The following PTH2R variants were observed in gnomAD, a reference collection of about 807,000 sequenced individuals.
PTH2R encodes the protein PTH2 receptor.
PTH2R carries 59 observed loss-of-function variants against 60.3 expected under a neutral mutation model. The ratio of observed to expected loss-of-function variants is 0.98; its 90% CI spans 0.79 to 1.22. PTH2R has a LOEUF of 1.22. Ranked by LOEUF, PTH2R falls within the 50% of genes most tolerant of loss-of-function variation. The pLI is 0.00. For synonymous variants in PTH2R, 256 were observed against 243.8 expected (o/e 1.05, Z -0.47); for missense variants, 749 against 682.6 (o/e 1.10, Z -1.08).
intron 1 of PTH2R, among the ~76,000 whole-genome samples, chr2:208,362,547 C>T (rs1700497165): frequency 6.6e-6 from 1 of 151,970 alleles, no homozygotes; most frequent in African/African-American, 2.4e-5. Context: ...GCAGAGATAT[C>T]ATATATATGT....
At chr2:208,359,739 T>G (rs996652535) in exon 1 of PTH2R, 2 of 153,476 alleles carry the variant, frequency 1.3e-5, no homozygotes, top group African/African-American at 4.8e-5. Flanking sequence ...ACAGGTCCAC[T>G]ACGTGAGGGG....
intron 1 of PTH2R, among the ~76,000 whole-genome samples, chr2:208,377,482 C>T (rs1441193771): frequency 7.1e-5 from 10 of 141,238 alleles, no homozygotes; most frequent in East Asian, 4.5e-4. Context: ...CCGGATGGGG[C>T]GGCGGCTGGG....
In PTH2R at chr2:208,459,685, T is replaced by A. The variant is rs77117755; in HGVS notation, c.915-210T>A. Among the ~76,000 whole-genome samples, 499 of 152,290 alleles carry A rather than the reference T, an allele frequency of 3.3e-3. 3 individuals carry two copies. The highest frequency in any genetic ancestry group is 0.012 in the African/African-American group (481 of 41,574). On this transcript the variant is annotated intron_variant, in intron 8 of 12. Coordinates refer to ENST00000272847, the MANE Select transcript of PTH2R (RefSeq NM_005048.4). The stretch of plus-strand genomic sequence containing the variant: ...ACTAATATTTATAATTCTCTACTCA[T>A]CTTCAAGGGGTAGCTAATAATATGA...
chr2:208,461,089 G>C (rs1702624520), intron 9 of PTH2R, among the ~76,000 whole-genome samples: 2 of 152,112 alleles, frequency 1.3e-5, no homozygotes, highest in African/African-American at 4.8e-5. Context: ...TAAATGTTTA[G>C]AGACGGAAAT....
chr2:208,378,774 G>T (rs750464195), intron 1 of PTH2R, among the ~76,000 whole-genome samples: 1 of 152,118 alleles, frequency 6.6e-6, no homozygotes, highest in Non-Finnish European at 1.5e-5. Context: ...CCAGTCTAAG[G>T]TATTTTTGTT....
chr2:208,367,291 G>A (rs568506579), intron 1 of PTH2R, among the ~76,000 whole-genome samples: 142 of 151,962 alleles, frequency 9.3e-4, no homozygotes, highest in African/African-American at 3.3e-3. Flanking sequence ...ACAGGGTTTC[G>A]CCATGTTGGC....
At chr2:208,452,654 A>T (rs777166558) in intron 8 of PTH2R, among the ~76,000 whole-genome samples, 1 of 152,198 alleles carries the variant, frequency 6.6e-6, no homozygotes, top group Non-Finnish European at 1.5e-5. Flanking sequence ...GCAAATTTGC[A>T]TTTTGTGAAG....
intron 10 of PTH2R, 38 bp downstream of exon 10, chr2:208,481,202 TG>T: frequency 6.9e-7 from 1 of 1,443,300 alleles, no homozygotes; most frequent in Non-Finnish European, 9.5e-7. Flanking sequence ...GGAAATATTT[TG>T]GTTACTATTT....
chr2:208,409,104 C>T lies in PTH2R; in HGVS notation c.75+1986C>T, dbSNP rs1460898931. Among the ~76,000 whole-genome samples the T allele has an allele frequency of 3.9e-5, 6 of 152,266 alleles. No homozygotes were observed. In the East Asian group the frequency reaches 1.2e-3, roughly 29 times the overall value. ...CTCCTGGTTGAAAATCATTGCTTTA[C>T]ACGGATTTCCATTTATATCTATAGA... On this transcript the variant is annotated intron_variant, in intron 1 of 12. Transcript: ENST00000272847.
intron 1 of PTH2R, among the ~76,000 whole-genome samples, chr2:208,373,171 G>A (rs1559200927): frequency 6.6e-6 from 1 of 152,140 alleles, no homozygotes; most frequent in Non-Finnish European, 1.5e-5. Flanking sequence ...AGAAAAATAA[G>A]TAGAGAGCTA....
chr2:208,372,047 G>A (rs1049310138), intron 1 of PTH2R, among the ~76,000 whole-genome samples: 11 of 151,728 alleles, frequency 7.2e-5, no homozygotes, highest in South Asian at 6.3e-4. Flanking sequence ...TCAGCCTCCC[G>A]AACAGCTGGG....
chr2:208,489,212 C>G (rs1703347644), intron 11 of PTH2R, 62 bp downstream of exon 11: 13 of 1,599,922 alleles, frequency 8.1e-6, no homozygotes, highest in Non-Finnish European at 1.1e-5. Context: ...CTTTTGGTCA[C>G]TTACAACCTT....
intron 1 of PTH2R, among the ~76,000 whole-genome samples, chr2:208,365,692 C>A (rs1259691143): frequency 1.3e-5 from 2 of 149,828 alleles, no homozygotes; most frequent in African/African-American, 4.9e-5. Context: ...CAAAGAATGA[C>A]CTTGGAAGTA....
chr2:208,433,921 A>T (rs567483478), intron 2 of PTH2R, among the ~76,000 whole-genome samples: 1 of 152,200 alleles, frequency 6.6e-6, no homozygotes, highest in Non-Finnish European at 1.5e-5. Context: ...ATAAAGAGAG[A>T]TGGGGAGCCA....
At chr2:208,369,695 G>A (rs13003574) in intron 1 of PTH2R, among the ~76,000 whole-genome samples, 57,409 of 151,808 alleles carry the variant, frequency 0.38, 11,460 homozygotes, top group East Asian at 0.52. Flanking sequence ...TATATAAAAG[G>A]TTCCCACCTA....
At chr2:208,482,688 C>A (rs1356393913) in intron 10 of PTH2R, among the ~76,000 whole-genome samples, 1 of 152,196 alleles carries the variant, frequency 6.6e-6, no homozygotes, top group Non-Finnish European at 1.5e-5. Flanking sequence ...TGAAGCTAGA[C>A]AACCGGTTAG....
chr2:208,438,069 AG>A (rs1702111517), intron 4 of PTH2R, among the ~76,000 whole-genome samples, 188 bp downstream of exon 4: 1 of 152,216 alleles, frequency 6.6e-6, no homozygotes, highest in Non-Finnish European at 1.5e-5. Context: ...TATAGCCTAG[AG>A]CTACCTGGCT....
At chr2:208,477,898 C>G (rs1347947146) in intron 9 of PTH2R, among the ~76,000 whole-genome samples, 1 of 138,976 alleles carries the variant, frequency 7.2e-6, no homozygotes, top group Non-Finnish European at 1.6e-5. Context: ...AGTACTAGCA[C>G]TACTACTAGT....
At chr2:208,378,602 G>A (rs1700854893) in intron 1 of PTH2R, among the ~76,000 whole-genome samples, 1 of 152,002 alleles carries the variant, frequency 6.6e-6, no homozygotes, top group African/African-American at 2.4e-5. Flanking sequence ...AGACCCCAGA[G>A]AGCCCTTTCA....
Sources: allele counts gnomAD v4.1 joint callset (sites outside exome capture counted in the v4.1 genomes callset), GRCh38; gene constraint gnomAD v4.1.1; transcripts MANE v1.5; gene names NCBI Gene and HGNC (gene_info 2026-07-23, HGNC 2026-07-21).